Variants in GALNT14 observed in about 807,000 individuals in gnomAD.
The protein encoded by GALNT14 is polypeptide N-acetylgalactosaminyltransferase 14.
In GALNT14, 60 loss-of-function variants were observed where a neutral mutation model predicts 77.5. The observed-to-expected ratio is 0.77, with a 90% CI of 0.63 to 0.96. The LOEUF is 0.96. GALNT14 is among the 40% of genes least tolerant of loss of function. The probability of loss-of-function intolerance (pLI) is 0.00; values close to 1 mark genes in which losing one functional copy is unlikely to be tolerated. For synonymous variants in GALNT14, 280 were observed against 281.7 expected, an observed-to-expected ratio of 0.99 and a Z score of 0.06; for missense variants, 710 against 731.0, an observed-to-expected ratio of 0.97 and a Z score of 0.33.
chr2:31,044,900 G>C (rs1288582560), intron 1 of GALNT14, among the ~76,000 whole-genome samples: 1 of 151,716 alleles, frequency 6.6e-6, no homozygotes, highest in Non-Finnish European at 1.5e-5. Flanking sequence ...GGGCAACAGA[G>C]TAAGACTCCA....
At chr2:31,128,431 G>A (rs1413864782) in intron 1 of GALNT14, among the ~76,000 whole-genome samples, 1 of 152,122 alleles carries the variant, frequency 6.6e-6, no homozygotes, top group Non-Finnish European at 1.5e-5. Flanking sequence ...GCACTTGCTT[G>A]CATTTCAAAT....
chr2:30,907,198 A>ATAGT, downstream of GALNT14, among the ~76,000 whole-genome samples: 1 of 152,368 alleles, frequency 6.6e-6, no homozygotes, highest in East Asian at 1.9e-4. Flanking sequence ...AAGGCAAGAA[A>ATAGT]TAACTAAGAT....
At chr2:31,058,334 T>C (rs1416843657) in intron 1 of GALNT14, among the ~76,000 whole-genome samples, 3 of 151,882 alleles carry the variant, frequency 2.0e-5, no homozygotes, top group Non-Finnish European at 4.4e-5. Flanking sequence ...GGTGGGACAG[T>C]GTGCGTCAAG....
chr2:31,011,669 T>G (rs1671039069), intron 1 of GALNT14, among the ~76,000 whole-genome samples: 1 of 152,062 alleles, frequency 6.6e-6, no homozygotes. Context: ...GGCAGACCTG[T>G]CTGGCAGCAA....
intron 1 of GALNT14, among the ~76,000 whole-genome samples, chr2:31,030,245 T>C (rs1573199424): frequency 6.6e-6 from 1 of 152,114 alleles, no homozygotes. Flanking sequence ...CATTCTTAAC[T>C]GCCAGTGTAA....
At chr2:31,071,256 A>T (rs967733085) in intron 1 of GALNT14, among the ~76,000 whole-genome samples, 3 of 152,102 alleles carry the variant, frequency 2.0e-5, no homozygotes, top group Admixed American at 6.5e-5. Context: ...GGAAATAAAA[A>T]TTTTTTTTAA....
At chr2:31,026,384 C>T in intron 1 of GALNT14, among the ~76,000 whole-genome samples, 1 of 152,202 alleles carries the variant, frequency 6.6e-6, no homozygotes, top group Non-Finnish European at 1.5e-5. Flanking sequence ...GAATTACTTT[C>T]TGTCTCCCTT....
Position 31,137,971 on chromosome 2 carries a change from A to T in GALNT14, c.116T>A (p.Val39Glu). ...CAAGCCGCCTACCTTAGGGGTCTGC[A>T]CTTCAGGTCCCGTCGGCACCTCCAA... The part of the protein sequence containing the change: ...RKLEVPTGPE[V>E]QTPKPSDADW... Residue 39 changes from valine to glutamate, a missense_variant, in exon 1 of 15, where the codon GTG becomes GAG. Val to Glu is a moderately radical substitution (Grantham distance 121). Transcript: ENST00000349752. The T allele has an allele frequency of 6.2e-7, 1 of 1,613,258 alleles. No homozygotes were observed. The highest frequency in any genetic ancestry group is 8.5e-7 in the Non-Finnish European group (1 of 1,179,558).
At chr2:31,054,400 G>A (rs141646712) in intron 1 of GALNT14, among the ~76,000 whole-genome samples, 3 of 152,234 alleles carry the variant, frequency 2.0e-5, no homozygotes, top group Non-Finnish European at 4.4e-5. Flanking sequence ...GATCTAAAGT[G>A]GCCTGTCCCT....
the GALNT14 span, among the ~76,000 whole-genome samples, chr2:30,889,191 C>T: frequency 1.3e-5 from 2 of 152,098 alleles, no homozygotes; most frequent in South Asian, 2.1e-4. Flanking sequence ...AAATAAAGGG[C>T]GAGAAAAATA....
At chr2:31,037,899 G>T (rs1672840414) in intron 1 of GALNT14, among the ~76,000 whole-genome samples, 5 of 151,592 alleles carry the variant, frequency 3.3e-5, no homozygotes, top group Admixed American at 3.3e-4. Context: ...ATCAGCCAAA[G>T]GTGAAAGATT....
At chr2:31,092,226 T>A (rs1332192003) in intron 1 of GALNT14, among the ~76,000 whole-genome samples, 18 of 151,818 alleles carry the variant, frequency 1.2e-4, no homozygotes, top group Admixed American at 1.2e-3. Context: ...CCTCACCTTG[T>A]GATCATGTGA....
intron 1 of GALNT14, among the ~76,000 whole-genome samples, chr2:31,051,968 C>T (rs557597675): frequency 6.6e-6 from 1 of 152,284 alleles, no homozygotes; most frequent in Non-Finnish European, 1.5e-5. Flanking sequence ...TGCTCAACTT[C>T]CTGCCCAGTT....
In GALNT14 at chr2:30,955,227, G is replaced by A. The variant is rs571935187; in HGVS notation, c.654+391C>T. 4.3e-3 allele frequency among the ~76,000 whole-genome samples: 653 copies of A among 152,190 alleles called. 6 individuals carry two copies. The highest frequency in any genetic ancestry group is 0.015 in the African/African-American group (632 of 41,512). On this transcript the variant is annotated intron_variant, in intron 6 of 14. Coordinates refer to ENST00000349752, the MANE Select transcript of GALNT14 (RefSeq NM_024572.4). ...GAGGCCCCAGGAATTAGGGGATGAA[G>A]CCTGGTTAAGTTTGCTGCCTCCTTT...
chr2:31,088,354 G>A (rs1394811931), intron 1 of GALNT14, among the ~76,000 whole-genome samples: 1 of 152,218 alleles, frequency 6.6e-6, no homozygotes, highest in Non-Finnish European at 1.5e-5. Flanking sequence ...CTCCATGGGA[G>A]GAGTGTATGT....
chr2:30,990,907 T>C (rs1337326116), intron 2 of GALNT14, among the ~76,000 whole-genome samples: 1 of 152,202 alleles, frequency 6.6e-6, no homozygotes, highest in Admixed American at 6.5e-5. Context: ...CCCTTCTTGC[T>C]GTAATCCCAG....
intron 1 of GALNT14, among the ~76,000 whole-genome samples, chr2:31,090,678 C>T (rs930506636): frequency 1.3e-5 from 2 of 151,734 alleles, no homozygotes; most frequent in East Asian, 1.9e-4. Flanking sequence ...GACGGGGTTT[C>T]GCCATGTTGG....
intron 1 of GALNT14, among the ~76,000 whole-genome samples, chr2:31,063,412 G>T (rs1674729292): frequency 6.6e-6 from 1 of 152,062 alleles, no homozygotes; most frequent in South Asian, 2.1e-4. Flanking sequence ...CTGTTCCATT[G>T]GTCTATATAT....
the GALNT14 span, among the ~76,000 whole-genome samples, chr2:30,887,862 C>T: frequency 4.6e-5 from 7 of 152,082 alleles, no homozygotes; most frequent in Admixed American, 1.3e-4. Context: ...GTCATTGATA[C>T]CTTTTGAGCT....
Sources: gnomAD v4.1 joint callset for allele counts (sites outside exome capture counted in the v4.1 genomes callset) on GRCh38, gnomAD v4.1.1 for gene constraint, MANE v1.5 for transcripts, NCBI Gene and HGNC (gene_info 2026-07-23, HGNC 2026-07-21) for gene names.